Variants in R3HCC1 observed in about 807,000 individuals in gnomAD.
R3HCC1 encodes the protein R3H and coiled-coil domain-containing protein 1.
Under a neutral mutation model 40.0 loss-of-function variants are expected in R3HCC1, and 32 were observed. That is an observed-to-expected ratio of 0.80 (90% CI 0.60 to 1.07). R3HCC1 has a LOEUF of 1.07. Ranked by LOEUF, R3HCC1 falls within the 50% of genes least tolerant of loss-of-function variation. The probability of loss-of-function intolerance (pLI) is 0.00; values close to 1 mark genes in which losing one functional copy is unlikely to be tolerated. For synonymous variants in R3HCC1, 237 were observed against 232.8 expected (o/e 1.02, Z -0.17); for missense variants, 586 against 563.3 (o/e 1.04, Z -0.41).
Position 23,296,222 on chromosome 8 carries a change from G to C in R3HCC1, c.*125G>C. 8.6e-7 allele frequency: 1 copy of C among 1,165,892 alleles called. No homozygotes were observed. Among genetic ancestry groups the C allele is most frequent in the Non-Finnish European group, 1.2e-6 (1 of 861,238 alleles). The allele number at this position is 1,165,892 out of a possible 1,614,324, so 72.2% of individuals were successfully genotyped here. Reference sequence around the variant, plus strand: ...CGAGCTTCACCATGGGGTGTGGTGGGCTTTAGTTTAGTCCCAGAAATGGAG... The same window carrying C: ...CGAGCTTCACCATGGGGTGTGGTGGCCTTTAGTTTAGTCCCAGAAATGGAG... On this transcript the variant is annotated 3_prime_UTR_variant, in exon 8 of 8. Coordinates refer to ENST00000265806, the MANE Select transcript of R3HCC1 (RefSeq NM_001136108.3).
rs956190571 is a variant in R3HCC1, at chr8:23,296,022, G to A, written c.1248G>A (p.Arg416=). ...AGACAAATGCGACTGTGGCCCGGCGGCTGGTGGCCCGGGCCCTGGGACTCC... is the reference window on the plus strand; with the variant it reads ...AGACAAATGCGACTGTGGCCCGGCGACTGGTGGCCCGGGCCCTGGGACTCC... The change falls in exon 8 of 8, where the codon CGG becomes CGA. Residue 416 remains arginine, a synonymous_variant. Transcript: ENST00000265806. The A allele has an allele frequency of 4.5e-6, 7 of 1,550,706 alleles. No homozygotes were observed. The African/African-American group carries it at 6.8e-5, about 15-fold the overall frequency.
chr8:23,294,920 AGCATGTGTGTGTGT>A, intron 7 of R3HCC1, 56 bp downstream of exon 7: 1 of 1,258,988 alleles, frequency 7.9e-7, no homozygotes, highest in Non-Finnish European at 1.1e-6. Context: ...TGTGCGTGCG[AGCATGTGTGTGTGT>A]GCGTGTGTGT....
chr8:23,288,668 C>T (rs1231392890), intron 2 of R3HCC1, 35 bp downstream of exon 2: 3 of 1,531,720 alleles, frequency 2.0e-6, no homozygotes, highest in Non-Finnish European at 1.7e-6. Flanking sequence ...TGCCGCCTTG[C>T]TGGGAAGGGC....
intron 3 of R3HCC1, among the ~76,000 whole-genome samples, chr8:23,289,407 T>C (rs1304817898): frequency 6.6e-6 from 1 of 152,166 alleles, no homozygotes. Context: ...GTTTAAGTAG[T>C]GGGTGTGTGG....
chr8:23,289,405 A>G (rs951909115), intron 3 of R3HCC1, among the ~76,000 whole-genome samples: 7 of 152,198 alleles, frequency 4.6e-5, no homozygotes, highest in Non-Finnish European at 8.8e-5. Flanking sequence ...CTGTTTAAGT[A>G]GTGGGTGTGT....
Position 23,296,212 on chromosome 8 carries a change from G to C in R3HCC1, c.*115G>C. ...GCACCACCCTCGAGCTTCACCATGG[G>C]GTGTGGTGGGCTTTAGTTTAGTCCC... On this transcript the variant is annotated 3_prime_UTR_variant, in exon 8 of 8. Coordinates refer to ENST00000265806, the MANE Select transcript of R3HCC1 (RefSeq NM_001136108.3). The C allele has an allele frequency of 8.1e-7, 1 of 1,240,346 alleles. No homozygotes were observed. The highest frequency in any genetic ancestry group is 2.7e-5 in the East Asian group (1 of 37,684). The allele number at this position is 1,240,346 out of a possible 1,614,324, so 76.8% of individuals were successfully genotyped here. A position where few individuals can be genotyped will look rare whatever the true frequency, so the allele number is the denominator to read the frequency against.
chr8:23,294,222 G>A (rs894086278), intron 6 of R3HCC1, among the ~76,000 whole-genome samples: 2 of 152,166 alleles, frequency 1.3e-5, no homozygotes, highest in Non-Finnish European at 2.9e-5. Flanking sequence ...GGAATGAGCT[G>A]TGGCTGGGGT....
intron 5 of R3HCC1, 79 bp from the exon 6 acceptor site, chr8:23,293,224 G>A (rs944221413): frequency 1.3e-5 from 16 of 1,201,814 alleles, no homozygotes; most frequent in Non-Finnish European, 1.9e-5. Flanking sequence ...CTGGAGGCGA[G>A]GGGGTGTGGC....
rs754927954 is a variant in R3HCC1, at chr8:23,295,966, G to T, written c.1193-1G>T. On this transcript the variant is annotated splice_acceptor_variant, in intron 7 of 7. Coordinates refer to ENST00000265806, the MANE Select transcript of R3HCC1 (RefSeq NM_001136108.3). LOFTEE classifies it high-confidence loss of function. ...TCCCCACTGTGGGGCTTTCCTTCTA[G>T]AACTCCTGCGTCTGGTGAAGGAGAG... 7.7e-6 allele frequency: 12 copies of T among 1,548,406 alleles called. No homozygotes were observed. The South Asian group carries it at 1.4e-4, about 18-fold the overall frequency.
At chr8:23,295,658 AC>A (rs1043221900) in intron 7 of R3HCC1, 17 of 484,346 alleles carry the variant, frequency 3.5e-5, no homozygotes, top group African/African-American at 3.3e-4. Context: ...CTGACTTGAT[AC>A]CCCTCCCAAA....
chr8:23,291,884 C>T (rs1023997234), intron 5 of R3HCC1, among the ~76,000 whole-genome samples: 1 of 152,176 alleles, frequency 6.6e-6, no homozygotes, highest in Non-Finnish European at 1.5e-5. Flanking sequence ...CTCAGTGTGT[C>T]TCCAGCAGGC....
chr8:23,288,267 C>T, intron 1 of R3HCC1, 110 bp downstream of exon 1: 1 of 1,152,504 alleles, frequency 8.7e-7, no homozygotes, highest in Non-Finnish European at 1.1e-6. Context: ...GGAAGGAGCG[C>T]AGCGCAGGGT....
intron 5 of R3HCC1, among the ~76,000 whole-genome samples, chr8:23,292,655 G>C (rs908067683): frequency 6.6e-6 from 1 of 152,116 alleles, no homozygotes; most frequent in African/African-American, 2.4e-5. Context: ...CCCTTTCCAC[G>C]TGGCCCTTGT....
Position 23,294,772 on chromosome 8 carries a change from C to T in R3HCC1, c.1100C>T (p.Ala367Val), listed in dbSNP as rs774605820. ...CACGCCTGCTTTCTTTCCACAGCTG[C>T]GGAAGCCCTGACCCGGGAGTTCTCG... The change falls in exon 7 of 8, where the codon GCG (alanine) becomes GTG (valine). Residue 367 changes from alanine to valine, a missense_variant. Transcript: ENST00000265806. 21 of 1,550,614 alleles carry T rather than the reference C, an allele frequency of 1.4e-5. No homozygotes were observed. The highest frequency in any genetic ancestry group is 1.7e-5 in the Non-Finnish European group (19 of 1,146,704).
chr8:23,288,781 C>T, intron 2 of R3HCC1, 148 bp downstream of exon 2: 1 of 1,111,778 alleles, frequency 9.0e-7, no homozygotes, highest in Non-Finnish European at 1.3e-6. Context: ...CTTTTAGCTG[C>T]ATCTTTGTAA....
intron 5 of R3HCC1, among the ~76,000 whole-genome samples, chr8:23,292,856 G>T (rs1160426315): frequency 6.6e-6 from 1 of 152,170 alleles, no homozygotes; most frequent in Non-Finnish European, 1.5e-5. Context: ...CAGGGTAGGT[G>T]GCACCTTCCT....
In R3HCC1 at chr8:23,293,312, G is replaced by A. The variant is rs1432133176; in HGVS notation, c.1035G>A (p.Gly345=). The A allele has an allele frequency of 1.3e-6, 2 of 1,551,440 alleles. No individual in the cohort carries two copies. Among genetic ancestry groups the A allele is most frequent in the Non-Finnish European group, 8.7e-7 (1 of 1,146,900 alleles). Residue 345 remains glycine (G), a synonymous_variant, in exon 6 of 8, where the codon GGG becomes GGA. Coordinates refer to ENST00000265806, the MANE Select transcript of R3HCC1 (RefSeq NM_001136108.3). Reference sequence around the variant, plus strand: ...CTCTCTCGCCGCACAGAGAGAAGGGGTTCAGGATTCAGTGGGTGGATGATA... The same window carrying A: ...CTCTCTCGCCGCACAGAGAGAAGGGATTCAGGATTCAGTGGGTGGATGATA...
chr8:23,288,921 G>C (rs752153924), intron 2 of R3HCC1, 95 bp from the exon 3 acceptor site: 17 of 1,369,154 alleles, frequency 1.2e-5, no homozygotes, highest in Non-Finnish European at 1.6e-5. Flanking sequence ...GGGGCAGAAG[G>C]GAGCCCAGTG....
At position 23,296,023 on chromosome 8, in the gene R3HCC1, C is replaced by T; in HGVS notation, c.1249C>T (p.Leu417=). The change falls in exon 8 of 8, where the codon CTG becomes TTG. Residue 417 remains leucine, a synonymous_variant. Coordinates refer to ENST00000265806, the MANE Select transcript of R3HCC1 (RefSeq NM_001136108.3). ...GACAAATGCGACTGTGGCCCGGCGGCTGGTGGCCCGGGCCCTGGGACTCCA... is the reference window on the plus strand; with the variant it reads ...GACAAATGCGACTGTGGCCCGGCGGTTGGTGGCCCGGGCCCTGGGACTCCA... The T allele has an allele frequency of 6.4e-7, 1 of 1,550,810 alleles. No individual in the cohort carries two copies. Among genetic ancestry groups the T allele is most frequent in the Admixed American group, 2.0e-5 (1 of 51,004 alleles).
Sources: allele counts gnomAD v4.1 joint callset (sites outside exome capture counted in the v4.1 genomes callset), GRCh38; gene constraint gnomAD v4.1.1; transcripts MANE v1.5; gene names NCBI Gene and HGNC (gene_info 2026-07-23, HGNC 2026-07-21).